Variants in TACR1 observed in about 807,000 individuals in gnomAD.
TACR1 encodes the protein tachykinin receptor 1, also known as substance-P receptor.
Under a neutral mutation model 35.8 loss-of-function variants are expected in TACR1, and 25 were observed. That is an observed-to-expected ratio of 0.70 (90% CI 0.51 to 0.98). The LOEUF is 0.98. Ranked by LOEUF, TACR1 falls within the 50% of genes least tolerant of loss-of-function variation. TACR1 has a pLI of 0.00. For synonymous variants in TACR1, 195 were observed against 206.7 expected, an observed-to-expected ratio of 0.94 and a Z score of 0.48; for missense variants, 478 against 522.9, an observed-to-expected ratio of 0.91 and a Z score of 0.84.
chr2:75,149,003 G>A (rs534818339), intron 1 of TACR1, among the ~76,000 whole-genome samples: 36 of 152,120 alleles, frequency 2.4e-4, no homozygotes, highest in Admixed American at 3.9e-4. Context: ...GCTTGTTTTT[G>A]TCAAGTTTGT....
chr2:75,136,364 C>G (rs1674290741), intron 1 of TACR1, among the ~76,000 whole-genome samples: 1 of 152,208 alleles, frequency 6.6e-6, no homozygotes, highest in South Asian at 2.1e-4. Flanking sequence ...TTAACAAAAA[C>G]AAAAACTCAT....
chr2:75,155,320 A>C (rs1674818815), intron 1 of TACR1, among the ~76,000 whole-genome samples: 1 of 152,040 alleles, frequency 6.6e-6, no homozygotes, highest in African/African-American at 2.4e-5. Context: ...ATCTGGATTT[A>C]ATTTCCTCTC....
chr2:75,083,109 G>T (rs1673123531), intron 2 of TACR1, among the ~76,000 whole-genome samples: 1 of 152,192 alleles, frequency 6.6e-6, no homozygotes, highest in Non-Finnish European at 1.5e-5. Context: ...TGTATAAGGT[G>T]TAAGGAAGGG....
chr2:75,141,523 G>A (rs903192873), intron 1 of TACR1, among the ~76,000 whole-genome samples: 3 of 131,866 alleles, frequency 2.3e-5, no homozygotes, highest in East Asian at 2.0e-4. Context: ...CAGGCATGGA[G>A]GCAAGGAAAA....
intron 2 of TACR1, among the ~76,000 whole-genome samples, chr2:75,113,532 C>CTTTTTTTTTTTTTTTTTTTTTTTTTTTTT (rs11437762): frequency 2.2e-5 from 2 of 92,084 alleles, no homozygotes; most frequent in Non-Finnish European, 2.0e-5. Flanking sequence ...TTTCTTCTTC[C>CTTTTTTTTTTTTTTTTTTTTTTTTTTTTT]TTTTTTTTTT....
intron 1 of TACR1, among the ~76,000 whole-genome samples, chr2:75,144,314 C>G (rs1195418365): frequency 6.6e-6 from 1 of 152,212 alleles, no homozygotes; most frequent in Non-Finnish European, 1.5e-5. Flanking sequence ...TCCTTCAGCA[C>G]AACATGAGTT....
intron 2 of TACR1, among the ~76,000 whole-genome samples, chr2:75,101,241 T>G (rs1352929306): frequency 6.6e-6 from 1 of 151,968 alleles, no homozygotes; most frequent in African/African-American, 2.4e-5. Flanking sequence ...CCGAAAGAGA[T>G]AAAAATAATA....
intron 2 of TACR1, among the ~76,000 whole-genome samples, chr2:75,070,558 G>T (rs759367461): frequency 6.6e-6 from 1 of 152,098 alleles, no homozygotes; most frequent in Non-Finnish European, 1.5e-5. Flanking sequence ...AGCAGACCTC[G>T]AACCAGACCC....
At chr2:75,078,128 A>G (rs1211517853) in intron 2 of TACR1, among the ~76,000 whole-genome samples, 1 of 152,214 alleles carries the variant, frequency 6.6e-6, no homozygotes, top group Non-Finnish European at 1.5e-5. Flanking sequence ...TACTACCATC[A>G]TGGAGGTCTA....
At chr2:75,107,830 G>C (rs145552733) in intron 2 of TACR1, among the ~76,000 whole-genome samples, 72 of 151,736 alleles carry the variant, frequency 4.7e-4, no homozygotes, top group African/African-American at 1.6e-3. Flanking sequence ...TTAGGTAGGG[G>C]GAGAAAAATA....
chr2:75,131,254 A>G (rs1363775200), intron 1 of TACR1, among the ~76,000 whole-genome samples: 1 of 151,868 alleles, frequency 6.6e-6, no homozygotes, highest in Non-Finnish European at 1.5e-5. Flanking sequence ...ATGCTTGGCT[A>G]ATTTTTTGTA....
chr2:75,065,529 G>A (rs1672746080), intron 2 of TACR1, among the ~76,000 whole-genome samples: 1 of 152,078 alleles, frequency 6.6e-6, no homozygotes, highest in African/African-American at 2.4e-5. Context: ...GTATCGCATC[G>A]CCGCAGTGGA....
At chr2:75,159,846 T>C (rs1456175352) in intron 1 of TACR1, among the ~76,000 whole-genome samples, 1 of 152,184 alleles carries the variant, frequency 6.6e-6, no homozygotes, top group Non-Finnish European at 1.5e-5. Context: ...CTGGGAGTTA[T>C]ATTGAATCCT....
chr2:75,092,082 A>G (rs987354530), intron 2 of TACR1, among the ~76,000 whole-genome samples: 1 of 152,254 alleles, frequency 6.6e-6, no homozygotes, highest in African/African-American at 2.4e-5. Context: ...AGAACTCAGC[A>G]TGCTATTTAG....
At chr2:75,098,030 G>T (rs1290306499) in intron 2 of TACR1, among the ~76,000 whole-genome samples, 2 of 152,182 alleles carry the variant, frequency 1.3e-5, no homozygotes, top group African/African-American at 4.8e-5. Flanking sequence ...TTTGCCAGCT[G>T]GCTCTGGCAC....
intron 1 of TACR1, among the ~76,000 whole-genome samples, 190 bp downstream of exon 1, chr2:75,198,356 A>C (rs1200647567): frequency 6.6e-6 from 1 of 152,206 alleles, no homozygotes; most frequent in Non-Finnish European, 1.5e-5. Context: ...TGATGGGTAA[A>C]AAAGAGGAAA....
intron 1 of TACR1, among the ~76,000 whole-genome samples, chr2:75,126,169 G>T (rs573633767): frequency 1.1e-4 from 16 of 152,126 alleles, no homozygotes; most frequent in African/African-American, 3.6e-4. Flanking sequence ...GGGAACATGT[G>T]GTATTTGATT....
chr2:75,151,351 G>A (rs966687670), intron 1 of TACR1, among the ~76,000 whole-genome samples: 1 of 152,172 alleles, frequency 6.6e-6, no homozygotes, highest in African/African-American at 2.4e-5. Context: ...TCTGGCCCAG[G>A]GTCCCTGTGC....
chr2:75,188,169 G>C (rs1261011683), intron 1 of TACR1: 1 of 152,106 alleles, frequency 6.6e-6, no homozygotes, highest in Non-Finnish European at 1.5e-5. Flanking sequence ...ATTTCCCCTT[G>C]GCTCCCTGGG....
Sources: allele counts gnomAD v4.1 joint callset (sites outside exome capture counted in the v4.1 genomes callset), GRCh38; gene constraint gnomAD v4.1.1; transcripts MANE v1.5; gene names NCBI Gene and HGNC (gene_info 2026-07-23, HGNC 2026-07-21).